Variants in RNF144B observed in about 807,000 individuals in gnomAD.
RNF144B encodes the protein E3 ubiquitin-protein ligase RNF144B.
RNF144B carries 25 observed loss-of-function variants against 40.2 expected under a neutral mutation model. The observed-to-expected ratio is 0.62, with a 90% CI of 0.45 to 0.87. The LOEUF (loss-of-function observed/expected upper bound fraction) is 0.87. RNF144B is among the 40% of genes least tolerant of loss of function. The pLI, the probability that RNF144B is intolerant of heterozygous loss-of-function variation, is 0.00. For synonymous variants in RNF144B, 145 were observed against 136.3 expected (o/e 1.06, Z -0.44); for missense variants, 365 against 373.7 (o/e 0.98, Z 0.19).
At position 18,466,388 on chromosome 6, in the gene RNF144B, G is replaced by A. The variant is rs1250587215; in HGVS notation, c.*1321G>A. 2.0e-5 allele frequency: 3 copies of A among 151,796 alleles called. No individual in the cohort carries two copies. The highest frequency in any genetic ancestry group is 4.4e-5 in the Non-Finnish European group (3 of 68,016). 9.4% of individuals were successfully genotyped at this position (151,796 alleles called of 1,614,324 possible). On this transcript the variant is annotated 3_prime_UTR_variant, in exon 8 of 8. Coordinates refer to ENST00000259939, the MANE Select transcript of RNF144B (RefSeq NM_182757.4). ...ACAGTCTGAATACTTTCTGTTTCAAGGCACTGATAAAACCGCAACAAAAAC... is the reference window on the plus strand; with the variant it reads ...ACAGTCTGAATACTTTCTGTTTCAAAGCACTGATAAAACCGCAACAAAAAC...
At position 18,402,468 on chromosome 6, in the gene RNF144B, T is replaced by G. The variant is rs1794813789; in HGVS notation, c.165+2769T>G. Among the ~76,000 whole-genome samples the G allele has an allele frequency of 2.3e-5, 2 of 88,598 alleles. 1 individual carries two copies. The highest frequency in any genetic ancestry group is 5.3e-5 in the Non-Finnish European group (2 of 37,562). 58.1% of individuals were successfully genotyped at this position (88,598 alleles called of 152,430 possible). A position where few individuals can be genotyped will look rare whatever the true frequency, so the allele number is the denominator to read the frequency against. On this transcript the variant is annotated intron_variant, in intron 2 of 7. Coordinates refer to ENST00000259939, the MANE Select transcript of RNF144B (RefSeq NM_182757.4). ...GACCACCAGCTCTGGGAAACAGAGA[T>G]ATCCTTGAATGAAATGTTCCATGGT...
rs930343748 is a variant in RNF144B, at chr6:18,412,063, A to T, written c.165+12364A>T. ...TTCTAGTTTTTGCTATTATGAATAC[A>T]TTTTTTTTACTTATATAAATGTGAA... On this transcript the variant is annotated intron_variant, in intron 2 of 7. Transcript: ENST00000259939. This position sits in a 1 kb window ranked among gnomAD's most constrained non-coding sequence, Gnocchi z 4.2. Among the ~76,000 whole-genome samples the T allele has an allele frequency of 3.3e-5, 5 of 151,972 alleles. No individual in the cohort carries two copies. Among genetic ancestry groups the T allele is most frequent in the Non-Finnish European group, 7.4e-5 (5 of 67,974 alleles).
At chr6:18,453,513 TA>T (rs1308908311) in intron 4 of RNF144B, among the ~76,000 whole-genome samples, 1 of 152,152 alleles carries the variant, frequency 6.6e-6, no homozygotes, top group Non-Finnish European at 1.5e-5. Context: ...TATATTGATT[TA>T]TTTTTTTTAA....
chr6:18,453,381 A>G (rs1178545848), intron 4 of RNF144B, among the ~76,000 whole-genome samples: 2 of 150,564 alleles, frequency 1.3e-5, no homozygotes, highest in African/African-American at 4.9e-5. Flanking sequence ...CAGGTGATCC[A>G]CCCGCCTCAG....
intron 1 of RNF144B, among the ~76,000 whole-genome samples, chr6:18,393,976 G>T (rs565579372): frequency 6.6e-6 from 1 of 152,194 alleles, no homozygotes; most frequent in Non-Finnish European, 1.5e-5. Context: ...GAATTTCATA[G>T]CATAGCTTGG....
intron 1 of RNF144B, chr6:18,396,707 T>A (rs902771754): frequency 2.0e-6 from 2 of 985,252 alleles, no homozygotes; most frequent in African/African-American, 3.5e-5. Context: ...GTTGAGAATG[T>A]ACAGGTGAGA....
At chr6:18,401,506 G>A (rs370222949) in intron 2 of RNF144B, among the ~76,000 whole-genome samples, 3 of 152,154 alleles carry the variant, frequency 2.0e-5, no homozygotes, top group Admixed American at 1.3e-4. Context: ...CCTGTTACCT[G>A]TTACCTGTGA....
chr6:18,429,893 T>C (rs1758655690), intron 3 of RNF144B, among the ~76,000 whole-genome samples: 1 of 152,162 alleles, frequency 6.6e-6, no homozygotes, highest in South Asian at 2.1e-4. Flanking sequence ...CCGCTAGTGC[T>C]CTTCTTATGG....
At chr6:18,390,603 C>A (rs987726041) in intron 1 of RNF144B, among the ~76,000 whole-genome samples, 2 of 152,170 alleles carry the variant, frequency 1.3e-5, no homozygotes, top group African/African-American at 4.8e-5. Flanking sequence ...CTTTGAAAGC[C>A]ATGTCCCATT....
intron 6 of RNF144B, among the ~76,000 whole-genome samples, chr6:18,462,582 A>G (rs1163482081): frequency 6.6e-6 from 1 of 151,470 alleles, no homozygotes; most frequent in South Asian, 2.1e-4. Flanking sequence ...CCCTTTCTCC[A>G]TTTGTCTAAT....
Position 18,457,419 on chromosome 6 carries a change from C to A in RNF144B, c.536+60C>A. The A allele has an allele frequency of 7.8e-7, 1 of 1,275,290 alleles. No homozygotes were observed. The highest frequency in any genetic ancestry group is 1.1e-6 in the Non-Finnish European group (1 of 871,316). The allele number at this position is 1,275,290 out of a possible 1,614,324, so 79.0% of individuals were successfully genotyped here. On this transcript the variant is annotated intron_variant, in intron 5 of 7. Coordinates refer to ENST00000259939, the MANE Select transcript of RNF144B (RefSeq NM_182757.4). This position sits in a 1 kb window ranked among gnomAD's most constrained non-coding sequence, Gnocchi z 5.1. ...CTAGTTTTCTTAGAAATTCAACATA[C>A]CTTACGTGTAGAAGGAGTTACGTTG...
At chr6:18,388,062 G>C (rs9297069) in intron 1 of RNF144B, among the ~76,000 whole-genome samples, 38,506 of 152,014 alleles carry the variant, frequency 0.25, 5,096 homozygotes, top group East Asian at 0.41. Context: ...ATTGTCGTTT[G>C]TGCAGGGAAA....
At position 18,464,639 on chromosome 6, in the gene RNF144B, T is replaced by C. The variant is rs1273069224; in HGVS notation, c.772-288T>C. Among the ~76,000 whole-genome samples the C allele has an allele frequency of 1.3e-5, 2 of 152,212 alleles. No individual in the cohort carries two copies. Among genetic ancestry groups the C allele is most frequent in the African/African-American group, 4.8e-5 (2 of 41,450 alleles). On this transcript the variant is annotated intron_variant, in intron 7 of 7. Coordinates refer to ENST00000259939, the MANE Select transcript of RNF144B (RefSeq NM_182757.4). This position sits in a 1 kb window ranked among gnomAD's most constrained non-coding sequence, Gnocchi z 6.1. Reference sequence around the variant, plus strand: ...TCTTCCTGGTTTGAAGATGGCCATTTTTTTGCTGTGTCTTCACATGGCATA... The same window carrying C: ...TCTTCCTGGTTTGAAGATGGCCATTCTTTTGCTGTGTCTTCACATGGCATA...
chr6:18,443,936 A>G lies in RNF144B; in HGVS notation c.331+4192A>G, dbSNP rs1305050716. On this transcript the variant is annotated intron_variant, in intron 4 of 7. Coordinates refer to ENST00000259939, the MANE Select transcript of RNF144B (RefSeq NM_182757.4). This position sits in a 1 kb window ranked among gnomAD's most constrained non-coding sequence, Gnocchi z 4.7. ...AGAAAATCTCATTGGCTGGACTGTG[A>G]GACAGAATTGTAGAGATTGCTGCTG... Among the ~76,000 whole-genome samples the G allele has an allele frequency of 6.6e-6, 1 of 152,216 alleles. No homozygotes were observed. Among genetic ancestry groups the G allele is most frequent in the Non-Finnish European group, 1.5e-5 (1 of 68,038 alleles).
rs1171534726 is a variant in RNF144B, at chr6:18,406,266, T to G, written c.165+6567T>G. ...TGCTGTGGGGAAGAGGGACTTCTACTTTATTAGATGATCAGGGAAGTCTCA... is the reference window on the plus strand; with the variant it reads ...TGCTGTGGGGAAGAGGGACTTCTACGTTATTAGATGATCAGGGAAGTCTCA... On this transcript the variant is annotated intron_variant, in intron 2 of 7. Coordinates refer to ENST00000259939, the MANE Select transcript of RNF144B (RefSeq NM_182757.4). This position sits in a 1 kb window ranked among gnomAD's most constrained non-coding sequence, Gnocchi z 4.2. Among the ~76,000 whole-genome samples the G allele has an allele frequency of 6.6e-6, 1 of 152,118 alleles. No homozygotes were observed. Among genetic ancestry groups the G allele is most frequent in the Non-Finnish European group, 1.5e-5 (1 of 68,018 alleles).
At position 18,422,182 on chromosome 6, in the gene RNF144B, G is replaced by C. The variant is rs1758442019; in HGVS notation, c.166-5399G>C. The stretch of plus-strand genomic sequence containing the variant: ...AAACCAGGATGCTTTTGGTGTGTTG[G>C]ATAGGCTTTTGAGTAGGGAGAGATA... On this transcript the variant is annotated intron_variant, in intron 2 of 7. Coordinates refer to ENST00000259939, the MANE Select transcript of RNF144B (RefSeq NM_182757.4). This position sits in a 1 kb window ranked among gnomAD's most constrained non-coding sequence, Gnocchi z 4.7. Among the ~76,000 whole-genome samples the C allele has an allele frequency of 6.6e-6, 1 of 152,152 alleles. No homozygotes were observed. Among genetic ancestry groups the C allele is most frequent in the Admixed American group, 6.5e-5 (1 of 15,268 alleles).
In RNF144B at chr6:18,414,038, T is replaced by A. The variant is rs1256412473; in HGVS notation, c.166-13543T>A. 6.6e-6 allele frequency among the ~76,000 whole-genome samples: 1 copy of A among 152,176 alleles called. No homozygotes were observed. The highest frequency in any genetic ancestry group is 1.5e-5 in the Non-Finnish European group (1 of 68,030). On this transcript the variant is annotated intron_variant, in intron 2 of 7. Transcript: ENST00000259939. The surrounding 1 kb of genome is among the most constrained non-coding windows in gnomAD (Gnocchi z 4.9). Reference sequence around the variant, plus strand: ...GCTTTTTAGAAAATGTTAAAAAAAATTCCAGGTTTTGCAGGATAAATCCTC... The same window carrying A: ...GCTTTTTAGAAAATGTTAAAAAAAAATCCAGGTTTTGCAGGATAAATCCTC...
In RNF144B at chr6:18,465,089, C is replaced by T. The variant is rs1198699284; in HGVS notation, c.*22C>T. ...CTAAAGATCTCTGTGTTCATACGCC[C>T]CAGATATGTGAGTTACATGAGATGG... On this transcript the variant is annotated 3_prime_UTR_variant, in exon 8 of 8. Coordinates refer to ENST00000259939, the MANE Select transcript of RNF144B (RefSeq NM_182757.4). 1 of 1,611,866 alleles carries T rather than the reference C, an allele frequency of 6.2e-7. No individual in the cohort carries two copies. The highest frequency in any genetic ancestry group is 8.5e-7 in the Non-Finnish European group (1 of 1,178,934).
intron 3 of RNF144B, among the ~76,000 whole-genome samples, chr6:18,429,034 A>G (rs538351715): frequency 5.8e-4 from 88 of 152,258 alleles, no homozygotes; most frequent in Admixed American, 5.6e-3. Context: ...ATCTACAAAA[A>G]TAAAAATTAG....
Sources: gnomAD v4.1 joint callset for allele counts (sites outside exome capture counted in the v4.1 genomes callset) on GRCh38, gnomAD v4.1.1 for gene constraint, Gnocchi (gnomAD v3.1) non-coding constraint, MANE v1.5 for transcripts, NCBI Gene and HGNC (gene_info 2026-07-23, HGNC 2026-07-21) for gene names.